HMCN1: variants seen among roughly 807,000 people sequenced by gnomAD.
HMCN1 encodes hemicentin 1.
In HMCN1, 321 loss-of-function variants were observed where a neutral mutation model predicts 625.9. That is an observed-to-expected ratio of 0.51 (90% CI 0.47 to 0.56). The LOEUF is 0.56. Ranked by LOEUF, HMCN1 falls within the 20% of genes least tolerant of loss-of-function variation. HMCN1 has a pLI of 0.00. For missense variants in HMCN1, 6,588 were observed against 6,887.3 expected, an observed-to-expected ratio of 0.96 and a Z score of 1.54; for synonymous variants, 2,425 against 2,417.6, an observed-to-expected ratio of 1.00 and a Z score of -0.09.
At chr1:185,735,117 A>G in intron 1 of HMCN1, 70 bp downstream of exon 1, 5 of 1,511,370 alleles carry the variant, frequency 3.3e-6, no homozygotes, top group Non-Finnish European at 4.6e-6. Context: ...CTGTGAATGA[A>G]ATTGTTTGTC....
intron 68 of HMCN1, among the ~76,000 whole-genome samples, chr1:186,096,761 A>G (rs1304581028): frequency 6.6e-6 from 1 of 152,190 alleles, no homozygotes; most frequent in Non-Finnish European, 1.5e-5. Flanking sequence ...AATAAATGTG[A>G]TACATCACGT....
chr1:186,186,586 C>A (rs1041538994), intron 105 of HMCN1, among the ~76,000 whole-genome samples: 1 of 152,096 alleles, frequency 6.6e-6, no homozygotes, highest in African/African-American at 2.4e-5. Context: ...TAAAATAAGG[C>A]CTGCCAGCCA....
intron 1 of HMCN1, among the ~76,000 whole-genome samples, chr1:185,827,878 A>G (rs1181208484): frequency 6.6e-6 from 1 of 152,170 alleles, no homozygotes; most frequent in Non-Finnish European, 1.5e-5. Context: ...TGTCTCTTGT[A>G]GGAGAAATAG....
At chr1:185,844,728 G>A (rs763463796) in intron 1 of HMCN1, among the ~76,000 whole-genome samples, 2 of 152,158 alleles carry the variant, frequency 1.3e-5, no homozygotes, top group Non-Finnish European at 2.9e-5. Context: ...ATGGTACCCA[G>A]ATGAATTTTA....
At chr1:186,127,393 T>A (rs1661701271) in intron 82 of HMCN1, among the ~76,000 whole-genome samples, 1 of 151,998 alleles carries the variant, frequency 6.6e-6, no homozygotes. Flanking sequence ...AGTACAGATA[T>A]AGAAGAAAAG....
At chr1:186,058,249 A>G (rs1260503392) in intron 46 of HMCN1, among the ~76,000 whole-genome samples, 1 of 152,040 alleles carries the variant, frequency 6.6e-6, no homozygotes, top group Non-Finnish European at 1.5e-5. Context: ...GTATAGCTTC[A>G]GAACTCTTAA....
At chr1:185,941,013 T>G (rs1454732579) in intron 11 of HMCN1, among the ~76,000 whole-genome samples, 1 of 152,094 alleles carries the variant, frequency 6.6e-6, no homozygotes, top group Non-Finnish European at 1.5e-5. Flanking sequence ...CTGCCTGCCT[T>G]GGCCTCCCAA....
At chr1:186,044,876 TCTAAGATAAA>T (rs1309297576) in intron 40 of HMCN1, among the ~76,000 whole-genome samples, 2 of 152,068 alleles carry the variant, frequency 1.3e-5, no homozygotes, top group African/African-American at 4.8e-5. Context: ...ACCTAAACCA[TCTAAGATAAA>T]TGATTGTTTA....
chr1:186,031,975 C>T (rs1655478978), intron 36 of HMCN1, among the ~76,000 whole-genome samples: 1 of 151,192 alleles, frequency 6.6e-6, no homozygotes, highest in Non-Finnish European at 1.5e-5. Flanking sequence ...TCTAGGACCC[C>T]ACATGGATAC....
At chr1:186,162,547 T>C (rs1651572104) in intron 97 of HMCN1, among the ~76,000 whole-genome samples, 1 of 152,196 alleles carries the variant, frequency 6.6e-6, no homozygotes, top group Non-Finnish European at 1.5e-5. Flanking sequence ...TGTGGTTTTT[T>C]CTACTTTTGG....
intron 64 of HMCN1, among the ~76,000 whole-genome samples, chr1:186,092,843 T>A (rs1455045382): frequency 6.6e-6 from 1 of 152,132 alleles, no homozygotes; most frequent in African/African-American, 2.4e-5. Flanking sequence ...GCCAGAATTT[T>A]GTATAACATG....
At chr1:185,833,982 C>T (rs1029345352) in intron 1 of HMCN1, among the ~76,000 whole-genome samples, 1 of 152,098 alleles carries the variant, frequency 6.6e-6, no homozygotes, top group Non-Finnish European at 1.5e-5. Context: ...GATTTTTGAA[C>T]ACAGAGACTG....
rs1354731278 is a variant in HMCN1 at position 185,909,486 on chromosome 1, G to T, written c.771G>T (p.Met257Ile). The T allele has an allele frequency of 5.0e-6, 8 of 1,613,290 alleles. No homozygotes were observed. The African/African-American group carries it at 9.3e-5, about 19-fold the overall frequency. ...TGTCTTTGAGTGGGCCTTCTCCAAT[G>T]ATTGAAATTCGCAATCCTTTAGGTG... ...VTVSLSGPSP[M>I]IEIRNPLGKL... Residue 257 changes from methionine (M) to isoleucine (I), a missense_variant, in exon 5 of 107, where the codon ATG (methionine) becomes ATT (isoleucine). By Grantham distance (10) the Met-to-Ile change is conservative. Around this residue, in one of 3 missense-constraint regions of HMCN1, gnomAD observed 4,628 missense variants for 4,853.1 expected, o/e 0.95. Transcript: ENST00000271588.
At chr1:185,888,047 A>T (rs1389604966) in intron 4 of HMCN1, among the ~76,000 whole-genome samples, 48 of 138,232 alleles carry the variant, frequency 3.5e-4, no homozygotes, top group Middle Eastern at 3.7e-3. Flanking sequence ...TTTGCATTTC[A>T]CTGATGGCCA....
chr1:185,854,238 T>G (rs1662329784), intron 2 of HMCN1, among the ~76,000 whole-genome samples: 1 of 152,180 alleles, frequency 6.6e-6, no homozygotes. Flanking sequence ...TTTTTCTCTA[T>G]CCAAACTGGG....
intron 97 of HMCN1, 102 bp downstream of exon 97, chr1:186,154,089 G>T: frequency 1.1e-6 from 1 of 935,494 alleles, no homozygotes; most frequent in Non-Finnish European, 1.7e-6. Flanking sequence ...CATGATATCA[G>T]GTTTTTCATG....
chr1:185,740,431 G>A (rs1260971531), intron 1 of HMCN1, among the ~76,000 whole-genome samples: 2 of 152,072 alleles, frequency 1.3e-5, no homozygotes, highest in African/African-American at 2.4e-5. Flanking sequence ...TGGATGTGAG[G>A]TCTTAGAAAA....
At chr1:185,906,692 C>T (rs1022665469) in intron 4 of HMCN1, among the ~76,000 whole-genome samples, 2 of 151,580 alleles carry the variant, frequency 1.3e-5, no homozygotes, top group African/African-American at 4.8e-5. Context: ...TTATTAATGC[C>T]ATTTCATTTC....
chr1:186,141,244 C>T (rs2102545986), intron 89 of HMCN1, among the ~76,000 whole-genome samples: 1 of 152,228 alleles, frequency 6.6e-6, no homozygotes, highest in South Asian at 2.1e-4. Context: ...ACAGATGAAG[C>T]TTTGCTCGCT....
Sources: gnomAD v4.1 joint callset for allele counts (sites outside exome capture counted in the v4.1 genomes callset) on GRCh38, gnomAD v4.1.1 for gene constraint, gnomAD v4.1.1 regional missense constraint, MANE v1.5 for transcripts, NCBI Gene and HGNC (gene_info 2026-07-23, HGNC 2026-07-21) for gene names.